Variants in PCDHGA11 observed in about 807,000 individuals in gnomAD.
PCDHGA11 encodes protocadherin gamma subfamily A, 11.
A neutral mutation model predicts 60.4 loss-of-function variants in PCDHGA11; 39 were observed. The ratio of observed to expected loss-of-function variants is 0.65; its 90% CI spans 0.50 to 0.84. The LOEUF (loss-of-function observed/expected upper bound fraction) is 0.84. Among genes scored for constraint, PCDHGA11 ranks in the 40% least tolerant of loss-of-function variants. The probability of loss-of-function intolerance (pLI) is 0.00; values close to 1 mark genes in which losing one functional copy is unlikely to be tolerated. For synonymous variants in PCDHGA11, 533 were observed against 510.3 expected (o/e 1.04, Z -0.60); for missense variants, 1,165 against 1,197.7 (o/e 0.97, Z 0.40).
At chr5:141,506,237 T>G (rs558256375) in intron 3 of PCDHGA11, among the ~76,000 whole-genome samples, 1 of 152,014 alleles carries the variant, frequency 6.6e-6, no homozygotes, top group South Asian at 2.1e-4. Flanking sequence ...GATCATGAGG[T>G]CAGGAGTTCG....
chr5:141,501,013 C>A (rs1456343329), intron 2 of PCDHGA11, among the ~76,000 whole-genome samples: 6 of 151,970 alleles, frequency 3.9e-5, no homozygotes, highest in Non-Finnish European at 8.8e-5. Flanking sequence ...GGACTACAGG[C>A]ACGCGCCACC....
chr5:141,427,355 C>A (rs765449381), intron 1 of PCDHGA11: 9 of 457,430 alleles, frequency 2.0e-5, no homozygotes, highest in Non-Finnish European at 3.5e-5. Context: ...TAACTGAGGA[C>A]GCAGAACCCT....
intron 1 of PCDHGA11, among the ~76,000 whole-genome samples, chr5:141,449,978 T>A (rs1025332419): frequency 6.6e-6 from 1 of 151,030 alleles, no homozygotes; most frequent in Non-Finnish European, 1.5e-5. Context: ...GTCCAAAATA[T>A]CACACATTGC....
In PCDHGA11 at chr5:141,489,739, G is replaced by A; in HGVS notation, c.2434-5068G>A. On this transcript the variant is annotated intron_variant, in intron 1 of 3. Transcript: ENST00000398587. The surrounding 1 kb of genome is among the most constrained non-coding windows in gnomAD (Gnocchi z 4.5). Reference sequence around the variant, plus strand: ...GGATCCGGATGTGGGCACCAATACTGTGAGCTTTTACACTCTAAGCCCCAA... The same window carrying A: ...GGATCCGGATGTGGGCACCAATACTATGAGCTTTTACACTCTAAGCCCCAA... 3 of 1,614,170 alleles carry A rather than the reference G, an allele frequency of 1.9e-6. No homozygotes were observed. The highest frequency in any genetic ancestry group is 2.2e-5 in the South Asian group (2 of 91,076).
In PCDHGA11 at chr5:141,476,374, GTTTGTGAACGACCGTC is replaced by G. The variant is rs1424626307; in HGVS notation, c.2434-18431_2434-18416del. 1 of 1,614,060 alleles carries G rather than the reference GTTTGTGAACGACCGTC, an allele frequency of 6.2e-7. No individual in the cohort carries two copies. The highest frequency in any genetic ancestry group is 1.3e-5 in the African/African-American group (1 of 74,922). Reference sequence around the variant, plus strand: ...AGGTGAACCGGGAGACCGGAGAGATGTTTGTGAACGACCGTCTGGATCGAGAGGAGCTGTGTGGGAC... The same window carrying G: ...AGGTGAACCGGGAGACCGGAGAGATGTGGATCGAGAGGAGCTGTGTGGGAC... On this transcript the variant is annotated intron_variant, in intron 1 of 3. Coordinates refer to ENST00000398587, the MANE Select transcript of PCDHGA11 (RefSeq NM_018914.3). The surrounding 1 kb of genome is among the most constrained non-coding windows in gnomAD (Gnocchi z 7.6).
intron 1 of PCDHGA11, among the ~76,000 whole-genome samples, chr5:141,448,115 T>A (rs62379166): frequency 0.025 from 3,743 of 151,768 alleles, 65 homozygotes; most frequent in Middle Eastern, 0.086. Flanking sequence ...GAAAAGAAAA[T>A]TAGCCTCCCC....
In PCDHGA11 at chr5:141,421,619, C is replaced by G; in HGVS notation, c.392C>G (p.Ala131Gly). 1 of 1,613,694 alleles carries G rather than the reference C, an allele frequency of 6.2e-7. No individual in the cohort carries two copies. The highest frequency in any genetic ancestry group is 8.5e-7 in the Non-Finnish European group (1 of 1,179,744). Reference sequence around the variant, plus strand: ...GAAATAATAGATATTAATGATAACGCCCCCAGCTTCCAGGAGGACGAAGTG... The same window carrying G: ...GAAATAATAGATATTAATGATAACGGCCCCAGCTTCCAGGAGGACGAAGTG... The part of the protein sequence containing the change: ...EVEIIDINDN[A>G]PSFQEDEVEI... Residue 131 changes from alanine (A) to glycine (G), a missense_variant, in exon 1 of 4, where the codon GCC becomes GGC. Physicochemically the swap from Ala to Gly is moderately conservative, Grantham distance 60 (BLOSUM62 0). Transcript: ENST00000398587.
chr5:141,501,343 C>T (rs1202291965), intron 2 of PCDHGA11, among the ~76,000 whole-genome samples: 1 of 150,430 alleles, frequency 6.6e-6, no homozygotes, highest in Non-Finnish European at 1.5e-5. Context: ...ACCCCAAACT[C>T]AATAGGGCAA....
chr5:141,461,355 G>A (rs993200082), intron 1 of PCDHGA11, among the ~76,000 whole-genome samples: 3 of 152,022 alleles, frequency 2.0e-5, no homozygotes, highest in Non-Finnish European at 2.9e-5. Flanking sequence ...GTGGTAGCTC[G>A]TTGTGGTTTT....
intron 1 of PCDHGA11, among the ~76,000 whole-genome samples, chr5:141,444,726 G>C (rs1296177763): frequency 6.6e-6 from 1 of 152,048 alleles, no homozygotes; most frequent in African/African-American, 2.4e-5. Flanking sequence ...TGGTGCCTTT[G>C]TTGAAAGTCA....
rs917165100 is a variant in PCDHGA11, at chr5:141,442,878, C to T, written c.2433+19218C>T. Among the ~76,000 whole-genome samples, 6 of 152,178 alleles carry T rather than the reference C, an allele frequency of 3.9e-5. No homozygotes were observed. In the South Asian group the frequency reaches 8.3e-4, roughly 21 times the overall value. The stretch of plus-strand genomic sequence containing the variant: ...GTATGAGAGATGTAAATTTACAACT[C>T]AGAATCCCTGCTTATCACTTCTCCT... On this transcript the variant is annotated intron_variant, in intron 1 of 3. Coordinates refer to ENST00000398587, the MANE Select transcript of PCDHGA11 (RefSeq NM_018914.3).
At chr5:141,463,417 G>A (rs548514637) in intron 1 of PCDHGA11, among the ~76,000 whole-genome samples, 1 of 146,650 alleles carries the variant, frequency 6.8e-6, no homozygotes, top group South Asian at 2.2e-4. Context: ...ATCCTAGTTT[G>A]CGGATCCTCA....
At chr5:141,472,668 C>T (rs2099292239) in intron 1 of PCDHGA11, among the ~76,000 whole-genome samples, 1 of 151,742 alleles carries the variant, frequency 6.6e-6, no homozygotes, top group African/African-American at 2.4e-5. Context: ...ATCCTGTATA[C>T]TGGTCCTTCC....
intron 1 of PCDHGA11, among the ~76,000 whole-genome samples, chr5:141,465,205 G>A (rs1460694369): frequency 6.6e-6 from 1 of 151,892 alleles, no homozygotes; most frequent in Admixed American, 6.6e-5. Flanking sequence ...AAAAATATAA[G>A]CTTTATTTTT....
intron 1 of PCDHGA11, among the ~76,000 whole-genome samples, chr5:141,443,720 T>G (rs1349609652): frequency 2.6e-5 from 4 of 152,156 alleles, no homozygotes; most frequent in Non-Finnish European, 5.9e-5. Flanking sequence ...CATATAAAAT[T>G]CCTCATACAT....
intron 2 of PCDHGA11, among the ~76,000 whole-genome samples, chr5:141,502,496 C>T (rs934563545): frequency 2.0e-5 from 3 of 152,178 alleles, no homozygotes; most frequent in Admixed American, 6.5e-5. Context: ...ACTCATCTAA[C>T]GTCGGCCTGT....
At chr5:141,444,473 G>C (rs943971075) in intron 1 of PCDHGA11, among the ~76,000 whole-genome samples, 6 of 151,972 alleles carry the variant, frequency 3.9e-5, no homozygotes, top group South Asian at 2.1e-4. Flanking sequence ...GCCCGGTCGC[G>C]TACTGGATTT....
In PCDHGA11 at chr5:141,432,071, A is replaced by G; in HGVS notation, c.2433+8411A>G. On this transcript the variant is annotated intron_variant, in intron 1 of 3. Transcript: ENST00000398587. The surrounding 1 kb of genome is among the most constrained non-coding windows in gnomAD (Gnocchi z 6.0). ...CCCGCCCCTATCCACGGAAACTCAT[A>G]TCTCGCTGAACGTGGCAGACACCAA... is the stretch of plus-strand genomic sequence containing the variant. 2 of 1,614,158 alleles carry G rather than the reference A, an allele frequency of 1.2e-6. No individual in the cohort carries two copies. The highest frequency in any genetic ancestry group is 1.7e-6 in the Non-Finnish European group (2 of 1,180,032).
chr5:141,423,380 G>A lies in PCDHGA11; in HGVS notation c.2153G>A (p.Trp718Ter). The A allele has an allele frequency of 6.2e-7, 1 of 1,614,178 alleles. No homozygotes were observed. The highest frequency in any genetic ancestry group is 8.5e-7 in the Non-Finnish European group (1 of 1,180,020). The change falls in exon 1 of 4, where the codon TGG (tryptophan) becomes TAG (stop). Residue 718 changes from tryptophan (W) to a stop codon, truncating the protein, a stop_gained. Transcript: ENST00000398587. LOFTEE classifies it high-confidence loss of function. ...FVIVLLALRL[W>*]RWHKSRLLQA... is the part of the protein sequence containing the mutation. ...ATCGTGCTGCTGGCACTCAGGCTGT[G>A]GCGCTGGCATAAGTCACGCCTGCTG... is the stretch of plus-strand genomic sequence containing the variant.
Sources: gnomAD v4.1 joint callset for allele counts (sites outside exome capture counted in the v4.1 genomes callset) on GRCh38, gnomAD v4.1.1 for gene constraint, Gnocchi (gnomAD v3.1) non-coding constraint, MANE v1.5 for transcripts, NCBI Gene and HGNC (gene_info 2026-07-23, HGNC 2026-07-21) for gene names.